Variants in ZFHX3 observed in about 807,000 individuals in gnomAD.
ZFHX3 encodes zinc finger homeobox 3, also known as zinc finger homeobox protein 3.
A neutral mutation model predicts 279.1 loss-of-function variants in ZFHX3; 42 were observed. The observed-to-expected ratio is 0.15, with a 90% CI of 0.12 to 0.19. The LOEUF (loss-of-function observed/expected upper bound fraction) is 0.19, where lower values mean the gene tolerates loss of function less well. ZFHX3 is among the 10% of genes least tolerant of loss of function. The probability of loss-of-function intolerance (pLI) is 1.00; values close to 1 mark genes in which losing one functional copy is unlikely to be tolerated. For synonymous variants in ZFHX3, 2,293 were observed against 1,957.8 expected (o/e 1.17, Z -4.52); for missense variants, 4,981 against 4,754.0 (o/e 1.05, Z -1.40).
At chr16:73,768,076 G>A (rs574563003) in intron 1 of ZFHX3, among the ~76,000 whole-genome samples, 6 of 152,082 alleles carry the variant, frequency 3.9e-5, no homozygotes, top group African/African-American at 1.5e-4. Context: ...CAGGGCCTTC[G>A]GTCAAAGTGA....
At chr16:73,185,567 T>C (rs546578276) in intron 5 of ZFHX3, among the ~76,000 whole-genome samples, 1 of 152,286 alleles carries the variant, frequency 6.6e-6, no homozygotes, top group East Asian at 1.9e-4. Context: ...ACCTCTGGAT[T>C]TGAGAGCGTG....
At chr16:73,308,161 G>C (rs913502863) in intron 4 of ZFHX3, among the ~76,000 whole-genome samples, 4 of 147,770 alleles carry the variant, frequency 2.7e-5, no homozygotes, top group Admixed American at 6.8e-5. Context: ...CATATTTTGA[G>C]ATTTAGGTTT....
At chr16:73,195,413 ATTTTT>A (rs9302646) in intron 5 of ZFHX3, among the ~76,000 whole-genome samples, 7 of 93,108 alleles carry the variant, frequency 7.5e-5, no homozygotes, top group Non-Finnish European at 8.7e-5. Context: ...TGTCTTTACT[ATTTTT>A]TTTTTTTTTT....
At chr16:73,216,679 C>T (rs562312677) in intron 5 of ZFHX3, among the ~76,000 whole-genome samples, 1 of 152,186 alleles carries the variant, frequency 6.6e-6, no homozygotes, top group South Asian at 2.1e-4. Flanking sequence ...GAGAGAATGG[C>T]CTGAACTCAG....
At chr16:72,827,403 A>C (rs1567535948) in intron 5 of ZFHX3, among the ~76,000 whole-genome samples, 1 of 152,282 alleles carries the variant, frequency 6.6e-6, no homozygotes, top group East Asian at 1.9e-4. Flanking sequence ...TCTTCATCTC[A>C]TCTGAGGAAA....
intron 5 of ZFHX3, among the ~76,000 whole-genome samples, chr16:73,236,051 C>T (rs1429592253): frequency 6.6e-6 from 1 of 152,222 alleles, no homozygotes; most frequent in Admixed American, 6.5e-5. Flanking sequence ...ACAGACACTA[C>T]TCTGTAGTCT....
intron 2 of ZFHX3, among the ~76,000 whole-genome samples, chr16:73,603,632 A>T (rs988555279): frequency 6.6e-6 from 1 of 152,160 alleles, no homozygotes; most frequent in Non-Finnish European, 1.5e-5. Context: ...AAATAACATT[A>T]TTTATTATAA....
intron 5 of ZFHX3, among the ~76,000 whole-genome samples, chr16:73,245,120 C>T (rs1411577030): frequency 1.3e-5 from 2 of 152,148 alleles, no homozygotes; most frequent in African/African-American, 4.8e-5. Flanking sequence ...TAATTTAGAA[C>T]CTTGCGCTTA....
intron 3 of ZFHX3, among the ~76,000 whole-genome samples, chr16:72,891,751 T>TC (rs2038777876): frequency 2.6e-5 from 4 of 152,180 alleles, no homozygotes. Flanking sequence ...GCTCCTGTGA[T>TC]TACGTGTCCT....
chr16:73,130,992 C>T, exon 7 of ZFHX3: 1 of 1,305,310 alleles, frequency 7.7e-7, no homozygotes, highest in Non-Finnish European at 1.0e-6. Flanking sequence ...CGCTTTGTGC[C>T]TGAGCTGGTG....
At chr16:73,096,360 A>G (rs1356568309) in intron 7 of ZFHX3, among the ~76,000 whole-genome samples, 1 of 150,990 alleles carries the variant, frequency 6.6e-6, no homozygotes, top group Non-Finnish European at 1.5e-5. Context: ...TCCTAAACCA[A>G]TGAAAACTCA....
chr16:73,460,088 G>C (rs1480023976), intron 2 of ZFHX3, among the ~76,000 whole-genome samples: 1 of 152,140 alleles, frequency 6.6e-6, no homozygotes, highest in Non-Finnish European at 1.5e-5. Flanking sequence ...ACCACAAGGA[G>C]CTCTCCTTTG....
intron 4 of ZFHX3, among the ~76,000 whole-genome samples, chr16:73,287,695 T>G (rs1473764207): frequency 7.0e-6 from 1 of 143,236 alleles, no homozygotes; most frequent in Non-Finnish European, 1.5e-5. Flanking sequence ...TGTGTGGCTG[T>G]GTGGCTGTGT....
intron 3 of ZFHX3, among the ~76,000 whole-genome samples, chr16:73,431,746 T>C (rs942125617): frequency 6.6e-6 from 1 of 152,160 alleles, no homozygotes; most frequent in Non-Finnish European, 1.5e-5. Context: ...CAAAGGGATG[T>C]ACTTTGATTA....
intron 1 of ZFHX3, among the ~76,000 whole-genome samples, chr16:73,686,277 G>A (rs1045868363): frequency 3.3e-5 from 5 of 152,038 alleles, no homozygotes; most frequent in African/African-American, 1.2e-4. Flanking sequence ...TGTATTTTTA[G>A]TAGAGACAGG....
intron 2 of ZFHX3, among the ~76,000 whole-genome samples, chr16:73,601,991 G>C (rs1342304594): frequency 1.3e-5 from 2 of 152,156 alleles, no homozygotes; most frequent in African/African-American, 2.4e-5. Context: ...ATGAGGCCAG[G>C]TGCGGTGGCA....
chr16:73,227,276 T>C (rs1039184089), intron 5 of ZFHX3, among the ~76,000 whole-genome samples: 1 of 152,182 alleles, frequency 6.6e-6, no homozygotes, highest in African/African-American at 2.4e-5. Context: ...TGCAGGATTG[T>C]TTTAGGTTAG....
At chr16:73,315,015 G>C (rs1380370229) in intron 4 of ZFHX3, among the ~76,000 whole-genome samples, 1 of 152,116 alleles carries the variant, frequency 6.6e-6, no homozygotes, top group Non-Finnish European at 1.5e-5. Context: ...ATCACCTAAG[G>C]TCAGGAGTTT....
At chr16:73,150,656 T>A (rs1966918401) in intron 5 of ZFHX3, among the ~76,000 whole-genome samples, 1 of 152,140 alleles carries the variant, frequency 6.6e-6, no homozygotes, top group African/African-American at 2.4e-5. Flanking sequence ...TAATGTAAAC[T>A]AAAAGAGTAG....
Sources: allele counts gnomAD v4.1 joint callset (sites outside exome capture counted in the v4.1 genomes callset), GRCh38; gene constraint gnomAD v4.1.1; transcripts MANE v1.5; gene names NCBI Gene and HGNC (gene_info 2026-07-23, HGNC 2026-07-21).